FASN: variants seen among roughly 807,000 people sequenced by gnomAD.
FASN encodes the protein 3-hydroxyacyl-[acyl-carrier-protein] dehydratase.
A neutral mutation model predicts 250.0 loss-of-function variants in FASN; 50 were observed. The ratio of observed to expected loss-of-function variants is 0.20; its 90% confidence interval spans 0.16 to 0.25. FASN has a LOEUF of 0.25. Among genes scored for constraint, FASN ranks in the 10% least tolerant of loss-of-function variants. The pLI is 1.00. For synonymous variants in FASN, 1,909 were observed against 1,584.0 expected (o/e 1.21, Z -4.87); for missense variants, 3,031 against 3,498.5 (o/e 0.87, Z 3.37).
Position 82,078,760 on chromosome 17 carries a change from G to A in FASN, c.*383C>T, listed in dbSNP as rs116196441. The A allele has an allele frequency of 1.7e-3, 561 of 337,578 alleles. 2 individuals carry two copies. The highest frequency in any genetic ancestry group is 0.011 in the African/African-American group (532 of 47,000). The allele number at this position is 337,578 out of a possible 1,614,324, so 20.9% of individuals were successfully genotyped here. A position where few individuals can be genotyped will look rare whatever the true frequency, so the allele number is the denominator to read the frequency against. On this transcript the variant is annotated 3_prime_UTR_variant, in exon 43 of 43. Transcript: ENST00000306749. The surrounding 1 kb of genome is among the most constrained non-coding windows in gnomAD (Gnocchi z 5.4). ...GGGCAGAGTGCGGGACCCACACGCT[G>A]CCTGAGGAGTCTTGGCAGGGTGGAC...
chr17:82,084,521 G>A lies in FASN; in HGVS notation c.4760C>T (p.Ala1587Val), dbSNP rs1220373909. 3.7e-6 allele frequency: 6 copies of A among 1,609,196 alleles called. No individual in the cohort carries two copies. Among genetic ancestry groups the A allele is most frequent in the Non-Finnish European group, 4.2e-6 (5 of 1,178,510 alleles). The change falls in exon 27 of 43, where the codon GCC becomes GTC. Residue 1587 changes from alanine to valine, a missense_variant. Ala to Val is a moderately conservative substitution (Grantham distance 64, BLOSUM62 0). Coordinates refer to ENST00000306749, the MANE Select transcript of FASN (RefSeq NM_004104.5). ...CCCCATGCCACCCATACCTGGGATGGCATCAGGGGACAGCTTGCCAGTGGC... is the reference window on the plus strand; with the variant it reads ...CCCCATGCCACCCATACCTGGGATGACATCAGGGGACAGCTTGCCAGTGGC... Reference protein sequence around the residue: ...MLATGKLSPDAIPGKWTSQDS... With the variant: ...MLATGKLSPDVIPGKWTSQDS...
rs375439460 is a variant in FASN, at chr17:82,092,894, C to T, written c.778+3G>A. 6.3e-6 allele frequency: 10 copies of T among 1,599,978 alleles called. No individual in the cohort carries two copies. The highest frequency in any genetic ancestry group is 3.4e-5 in the South Asian group (3 of 89,176). On this transcript the variant is annotated splice_donor_region_variant and intron_variant, in intron 6 of 42. Coordinates refer to ENST00000306749, the MANE Select transcript of FASN (RefSeq NM_004104.5). ...AGCACCCCGGAACCCCGGCAGAGCC[C>T]ACCTTGCTCCTTGAAGCCATCTGTA... is the stretch of plus-strand genomic sequence containing the variant.
In FASN at chr17:82,081,276, C is replaced by T; in HGVS notation, c.6483G>A (p.Glu2161=). The T allele has an allele frequency of 6.4e-7, 1 of 1,566,876 alleles. No individual in the cohort carries two copies. Residue 2161 remains glutamate (E), a synonymous_variant, in exon 38 of 43, where the codon GAG becomes GAA. Transcript: ENST00000306749. Reference sequence around the variant, plus strand: ...GCTCACGCTCCAGCGTCTGGCGCACCTCCACGCTCATGAGCGAGTCCAGGC... The same window carrying T: ...GCTCACGCTCCAGCGTCTGGCGCACTTCCACGCTCATGAGCGAGTCCAGGC... ...DLGLDSLMSV[E]VRQTLERELN...
intron 22 of FASN, among the ~76,000 whole-genome samples, 169 bp downstream of exon 22, chr17:82,086,085 G>T (rs1468354996): frequency 6.6e-6 from 1 of 152,200 alleles, no homozygotes; most frequent in African/African-American, 2.4e-5. Flanking sequence ...GACCCTCCAC[G>T]GTGGCTGTGT....
In FASN at chr17:82,092,477, G is replaced by A. The variant is rs1231631051; in HGVS notation, c.1007C>T (p.Ser336Leu). 6.3e-7 allele frequency: 1 copy of A among 1,585,796 alleles called. No individual in the cohort carries two copies. Among genetic ancestry groups the A allele is most frequent in the Non-Finnish European group, 8.6e-7 (1 of 1,168,852 alleles). Residue 336 changes from serine to leucine, a missense_variant, in exon 8 of 43, where the codon TCG (serine) becomes TTG (leucine). By Grantham distance (145) the Ser-to-Leu change is moderately radical. Transcript: ENST00000306749. ...KSNMGHPEPA[S>L]GLAALAKVLL... ...TACCTTGGCCAGGGCTGCCAGCCCC[G>A]AGGCTGGCTCCGGGTGCCCCATGTT... is the stretch of plus-strand genomic sequence containing the variant.
chr17:82,085,726 G>A lies in FASN; in HGVS notation c.3878C>T (p.Ala1293Val). The A allele has an allele frequency of 1.9e-6, 3 of 1,565,210 alleles. No individual in the cohort carries two copies. Among genetic ancestry groups the A allele is most frequent in the Non-Finnish European group, 2.6e-6 (3 of 1,155,742 alleles). ...GTCTGCGGGATCCCACTGGCCCTGGGCAACGTCGTGCTGCTGCAGCTCGGC... is the reference window on the plus strand; with the variant it reads ...GTCTGCGGGATCCCACTGGCCCTGGACAACGTCGTGCTGCTGCAGCTCGGC... ...AQAELQQHDVAQGQWDPADPA... is the reference protein window; with the variant it reads ...AQAELQQHDVVQGQWDPADPA... Residue 1293 changes from alanine to valine, a missense_variant, in exon 23 of 43, where the codon GCC becomes GTC. Transcript: ENST00000306749.
At chr17:82,086,169 G>T (rs918183223) in intron 22 of FASN, 85 bp downstream of exon 22, 20 of 1,531,354 alleles carry the variant, frequency 1.3e-5, no homozygotes, top group Middle Eastern at 2.2e-4. Flanking sequence ...GGCCCGCCCC[G>T]TGTCTGTGCT....
In FASN at chr17:82,087,395, A is replaced by G. The variant is rs1259675098; in HGVS notation, c.3153T>C (p.Arg1051=). Residue 1051 remains arginine (R), a synonymous_variant, in exon 20 of 43, where the codon CGT becomes CGC. Coordinates refer to ENST00000306749, the MANE Select transcript of FASN (RefSeq NM_004104.5). ...SAKHGLYLPT[R]VTAIHIDPAT... ...CAGGGTCGATGTGGATGGCGGTGAC[A>G]CGGGTGGGCAGGTACAGGCCGTGCT... 1 of 1,612,696 alleles carries G rather than the reference A, an allele frequency of 6.2e-7. No homozygotes were observed. The highest frequency in any genetic ancestry group is 1.1e-5 in the South Asian group (1 of 91,088).
At chr17:82,091,715 C>T (rs1029822685) in intron 8 of FASN, 31 bp from the exon 9 acceptor site, 1 of 1,533,314 alleles carries the variant, frequency 6.5e-7, no homozygotes, top group African/African-American at 1.4e-5. Flanking sequence ...TGGGCAGCCG[C>T]CCCACTCCCT....
At position 82,088,190 on chromosome 17, in the gene FASN, C is replaced by A; in HGVS notation, c.2711G>T (p.Gly904Val). Residue 904 changes from glycine to valine, a missense_variant, in exon 17 of 43, where the codon GGC becomes GTC. By Grantham distance (109) the Gly-to-Val change is moderately radical (BLOSUM62 -3). Coordinates refer to ENST00000306749, the MANE Select transcript of FASN (RefSeq NM_004104.5). ...CACAGGCAGCTGCTCGACGCCCAGG[C>A]CCAGGGCGCGGGCCAGCGTCTTCCA... The part of the protein sequence containing the change: ...IVWKTLARAL[G>V]LGVEQLPVVF... 6.2e-7 allele frequency: 1 copy of A among 1,612,516 alleles called. No homozygotes were observed. Among genetic ancestry groups the A allele is most frequent in the Non-Finnish European group, 8.5e-7 (1 of 1,179,982 alleles).
At chr17:82,086,701 G>T in intron 21 of FASN, 143 bp from the exon 22 acceptor site, 1 of 736,094 alleles carries the variant, frequency 1.4e-6, no homozygotes, top group Non-Finnish European at 2.3e-6. Flanking sequence ...TTGAGGAAGG[G>T]GCTGCCCACC....
Position 82,085,092 on chromosome 17 carries a change from G to A in FASN, c.4352C>T (p.Ser1451Leu), listed in dbSNP as rs777115307. ...VWLKAINCAT[S>L]GVVGLVNCLR... ...ACAGTTCACCAAGCCCACCACGCCC[G>A]AGGTGGCACAGTTGATGGCCTTCAG... The change falls in exon 25 of 43, where the codon TCG becomes TTG. Residue 1451 changes from serine (S) to leucine (L), a missense_variant. By Grantham distance (145) the Ser-to-Leu change is moderately radical. Coordinates refer to ENST00000306749, the MANE Select transcript of FASN (RefSeq NM_004104.5). The A allele has an allele frequency of 4.3e-6, 7 of 1,612,638 alleles. No homozygotes were observed. The highest frequency in any genetic ancestry group is 5.1e-6 in the Non-Finnish European group (6 of 1,179,908).
At position 82,082,907 on chromosome 17, in the gene FASN, G is replaced by A. The variant is rs117723200; in HGVS notation, c.5767+7C>T. On this transcript the variant is annotated splice_region_variant and intron_variant, in intron 33 of 42. Transcript: ENST00000306749. ...AGGCTGGTCCACAAGCACCCCTGCCGACTCACCTGTCCGGATCCCGGAGCG... is the reference window on the plus strand; with the variant it reads ...AGGCTGGTCCACAAGCACCCCTGCCAACTCACCTGTCCGGATCCCGGAGCG... The A allele has an allele frequency of 4.3e-6, 7 of 1,612,544 alleles. No individual in the cohort carries two copies. The highest frequency in any genetic ancestry group is 4.2e-6 in the Non-Finnish European group (5 of 1,179,896).
In FASN at chr17:82,084,655, G is replaced by T; in HGVS notation, c.4626C>A (p.Ser1542=). 6.3e-7 allele frequency: 1 copy of T among 1,594,770 alleles called. No individual in the cohort carries two copies. Among genetic ancestry groups the T allele is most frequent in the Non-Finnish European group, 8.5e-7 (1 of 1,171,560 alleles). The change falls in exon 27 of 43, where the codon TCC becomes TCA. Residue 1542 remains serine, a synonymous_variant. Coordinates refer to ENST00000306749, the MANE Select transcript of FASN (RefSeq NM_004104.5). ...GCGAGGAGCAGACCCAGCGGATGGA[G>T]GACAGGTCCCCCCGGGTGAGGGTGC... The part of the protein sequence containing the change: ...FVSTLTRGDL[S]SIRWVCSSLR...
chr17:82,078,940 C>A lies in FASN; in HGVS notation c.*203G>T. 1.5e-6 allele frequency: 1 copy of A among 662,256 alleles called. No individual in the cohort carries two copies. The highest frequency in any genetic ancestry group is 2.6e-6 in the Non-Finnish European group (1 of 383,800). The allele number at this position is 662,256 out of a possible 1,614,324, so 41.0% of individuals were successfully genotyped here. ...AGACCAGGAGTCTCCAAGTCGGCAG[C>A]TCTGGTGTCCCCGAGGTGCCGTGGG... On this transcript the variant is annotated 3_prime_UTR_variant, in exon 43 of 43. Transcript: ENST00000306749. This position sits in a 1 kb window ranked among gnomAD's most constrained non-coding sequence, Gnocchi z 5.4.
intron 3 of FASN, 150 bp from the exon 4 acceptor site, chr17:82,093,921 T>A: frequency 2.4e-6 from 2 of 834,150 alleles, no homozygotes; most frequent in Non-Finnish European, 3.8e-6. Flanking sequence ...GGAAGGGGCC[T>A]AAGGAGGGTG....
chr17:82,089,901 G>A (rs956746602), intron 11 of FASN, among the ~76,000 whole-genome samples, 175 bp from the exon 12 acceptor site: 2 of 152,166 alleles, frequency 1.3e-5, no homozygotes, highest in Admixed American at 6.5e-5. Flanking sequence ...GGGTGGAGGT[G>A]TCATTACAGA....
Position 82,080,512 on chromosome 17 carries a change from T to C in FASN, c.6905A>G (p.Tyr2302Cys). 1 of 1,563,910 alleles carries C rather than the reference T, an allele frequency of 6.4e-7. No individual in the cohort carries two copies. Among genetic ancestry groups the C allele is most frequent in the Non-Finnish European group, 8.7e-7 (1 of 1,155,352 alleles). The part of the protein sequence containing the change: ...CIRQVQPEGP[Y>C]RVAGYSYGAC... ...CCCGTAGGAGTAGCCGGCCACGCGG[T>C]AGGGGCCCTCGGGCTGCACCTGCCT... The change falls in exon 40 of 43, where the codon TAC becomes TGC. Residue 2302 changes from tyrosine (Y) to cysteine (C), a missense_variant. Coordinates refer to ENST00000306749, the MANE Select transcript of FASN (RefSeq NM_004104.5).
chr17:82,090,832 C>G, intron 10 of FASN, 50 bp downstream of exon 10: 1 of 1,546,160 alleles, frequency 6.5e-7, no homozygotes. Flanking sequence ...CCAGGGAAAG[C>G]CAGAGCCCTG....
Sources: allele counts gnomAD v4.1 joint callset (sites outside exome capture counted in the v4.1 genomes callset), GRCh38; gene constraint gnomAD v4.1.1; non-coding constraint Gnocchi (gnomAD v3.1); transcripts MANE v1.5; gene names NCBI Gene and HGNC (gene_info 2026-07-23, HGNC 2026-07-21).